Variants in MBD5 observed in about 807,000 individuals in gnomAD.
MBD5 encodes methyl-CpG-binding domain protein 5.
Under a neutral mutation model 117.3 loss-of-function variants are expected in MBD5, and 13 were observed. The observed-to-expected ratio is 0.11, with a 90% CI of 0.07 to 0.18. MBD5 has a LOEUF of 0.18. Ranked by LOEUF, MBD5 falls within the 10% of genes least tolerant of loss-of-function variation. The pLI is 1.00. For synonymous variants in MBD5, 727 were observed against 766.4 expected (o/e 0.95, Z 0.85); for missense variants, 1,879 against 2,093.8 (o/e 0.90, Z 2.00).
Position 148,329,978 on chromosome 2 carries a change from A to G in MBD5, c.-679-12236A>G, listed in dbSNP as rs543261633. ...ATATCAGTTCATCCCAGAAACATTG[A>G]AGATAATACCGATAAGGTAGGCAAG... On this transcript the variant is annotated intron_variant, in intron 3 of 13. Coordinates refer to ENST00000642680, the MANE Select transcript of MBD5 (RefSeq NM_001378120.1). Among the ~76,000 whole-genome samples the G allele has an allele frequency of 3.3e-5, 5 of 151,428 alleles. No homozygotes were observed. The South Asian group carries it at 1.0e-3, about 32-fold the overall frequency.
intron 1 of MBD5, among the ~76,000 whole-genome samples, chr2:148,149,592 C>T (rs988301660): frequency 2.0e-5 from 3 of 151,770 alleles, no homozygotes; most frequent in African/African-American, 7.2e-5. Context: ...CACATCCTCA[C>T]CAGCACCTGT....
At chr2:148,215,620 C>T (rs1215983412) in intron 2 of MBD5, among the ~76,000 whole-genome samples, 1 of 151,860 alleles carries the variant, frequency 6.6e-6, no homozygotes, top group Non-Finnish European at 1.5e-5. Flanking sequence ...CTCCAGGCCT[C>T]AGGTGATCCT....
chr2:148,171,591 T>G (rs941559661), intron 1 of MBD5, among the ~76,000 whole-genome samples: 2 of 152,158 alleles, frequency 1.3e-5, no homozygotes, highest in Non-Finnish European at 2.9e-5. Context: ...CCTCTCTTTC[T>G]CATTATAGTA....
intron 4 of MBD5, among the ~76,000 whole-genome samples, chr2:148,439,091 A>G (rs1399924929): frequency 6.6e-6 from 1 of 152,242 alleles, no homozygotes; most frequent in Non-Finnish European, 1.5e-5. Context: ...ACAAAGTAAT[A>G]GTTCCACCTA....
intron 3 of MBD5, among the ~76,000 whole-genome samples, chr2:148,247,172 C>A (rs1700356644): frequency 6.6e-6 from 1 of 152,088 alleles, no homozygotes; most frequent in Non-Finnish European, 1.5e-5. Context: ...ATCACTGTTT[C>A]TTGAAACCAT....
chr2:148,459,106 A>G, intron 5 of MBD5, among the ~76,000 whole-genome samples: 1 of 152,144 alleles, frequency 6.6e-6, no homozygotes, highest in East Asian at 1.9e-4. Flanking sequence ...AAATAAGAAG[A>G]TTTCTAAAAG....
chr2:148,266,377 A>G (rs1013259579), intron 3 of MBD5, among the ~76,000 whole-genome samples: 10 of 152,076 alleles, frequency 6.6e-5, no homozygotes, highest in African/African-American at 1.9e-4. Context: ...CACATTAGGA[A>G]TAGGAGGACA....
intron 3 of MBD5, among the ~76,000 whole-genome samples, chr2:148,295,076 G>T (rs1476749681): frequency 6.6e-6 from 1 of 152,122 alleles, no homozygotes; most frequent in East Asian, 1.9e-4. Flanking sequence ...CAGTAGGTCA[G>T]TTAGTGAATT....
At chr2:148,227,241 T>A (rs1699853299) in intron 2 of MBD5, among the ~76,000 whole-genome samples, 1 of 152,166 alleles carries the variant, frequency 6.6e-6, no homozygotes, top group Non-Finnish European at 1.5e-5. Flanking sequence ...GTTTTGATGG[T>A]TTTGGGTCTA....
rs1339347544 is a variant in MBD5, at chr2:148,021,556, A to G, written c.-1053A>G. On this transcript the variant is annotated 5_prime_UTR_variant, in exon 1 of 14. Transcript: ENST00000642680. ...TGGCTGGAGACATCTCACTACACCC[A>G]GGAGCAGCCACTTCCCCAGCTCTCC... The G allele has an allele frequency of 1.8e-6, 1 of 546,780 alleles. No homozygotes were observed. Among genetic ancestry groups the G allele is most frequent in the Non-Finnish European group, 3.5e-6 (1 of 283,734 alleles). 33.9% of individuals were successfully genotyped at this position (546,780 alleles called of 1,614,324 possible). A position where few individuals can be genotyped will look rare whatever the true frequency, so the allele number is the denominator to read the frequency against.
At position 148,489,919 on chromosome 2, in the gene MBD5, G is replaced by A. The variant is rs1261051324; in HGVS notation, c.4287G>A (p.Gln1429=). Residue 1429 remains glutamine (Q), a synonymous_variant, in exon 11 of 14, where the codon CAG becomes CAA. Transcript: ENST00000642680. The part of the protein sequence containing the change: ...KSASCHTSKK[Q]WDGEQSPRGE... ...CAAGTTGCCACACATCCAAAAAACA[G>A]TGGGACGGGGAGCAAAGCCCCAGAG... 1 of 1,614,004 alleles carries A rather than the reference G, an allele frequency of 6.2e-7. No individual in the cohort carries two copies. The highest frequency in any genetic ancestry group is 2.2e-5 in the East Asian group (1 of 44,892).
intron 3 of MBD5, among the ~76,000 whole-genome samples, chr2:148,258,476 C>A (rs1464083110): frequency 1.3e-5 from 2 of 152,126 alleles, no homozygotes; most frequent in African/African-American, 2.4e-5. Context: ...TGGTGGGGGA[C>A]CAGTGGATCG....
chr2:148,507,744 A>G (rs1682083156), intron 12 of MBD5, among the ~76,000 whole-genome samples: 1 of 150,712 alleles, frequency 6.6e-6, no homozygotes, highest in South Asian at 2.1e-4. Flanking sequence ...TGGGCGACAG[A>G]GCAAGACTCC....
At chr2:148,187,388 G>C (rs779143391) in intron 2 of MBD5, among the ~76,000 whole-genome samples, 1 of 151,808 alleles carries the variant, frequency 6.6e-6, no homozygotes, top group South Asian at 2.1e-4. Context: ...TTGCAGAAGG[G>C]GTGAGGGCAG....
chr2:148,098,750 T>A (rs1484871855), intron 1 of MBD5, among the ~76,000 whole-genome samples: 1 of 151,992 alleles, frequency 6.6e-6, no homozygotes, highest in Non-Finnish European at 1.5e-5. Flanking sequence ...ATGTAGGGGT[T>A]AGGAAGAAGA....
chr2:148,415,827 T>C (rs947344317), intron 4 of MBD5, among the ~76,000 whole-genome samples: 18 of 152,232 alleles, frequency 1.2e-4, no homozygotes, highest in African/African-American at 4.3e-4. Flanking sequence ...GTTTGGTTTT[T>C]TCATAAAATG....
At chr2:148,130,055 C>A (rs1232588670) in intron 1 of MBD5, among the ~76,000 whole-genome samples, 1 of 152,120 alleles carries the variant, frequency 6.6e-6, no homozygotes, top group African/African-American at 2.4e-5. Context: ...ATTTAGCTGA[C>A]CTCTGTAGGC....
chr2:148,099,538 G>A (rs1316329567), intron 1 of MBD5, among the ~76,000 whole-genome samples: 2 of 152,082 alleles, frequency 1.3e-5, no homozygotes, highest in South Asian at 2.1e-4. Flanking sequence ...CATTTTGGAG[G>A]TTATCATGAG....
intron 4 of MBD5, among the ~76,000 whole-genome samples, chr2:148,351,984 G>A (rs900228569): frequency 4.6e-5 from 7 of 151,990 alleles, no homozygotes; most frequent in Admixed American, 3.3e-4. Flanking sequence ...TGAGGTTGTC[G>A]TTGGATACTG....
Sources: allele counts gnomAD v4.1 joint callset (sites outside exome capture counted in the v4.1 genomes callset), GRCh38; gene constraint gnomAD v4.1.1; transcripts MANE v1.5; gene names NCBI Gene and HGNC (gene_info 2026-07-23, HGNC 2026-07-21).